The following CECR2 variants were observed in gnomAD, a reference collection of about 807,000 sequenced individuals.
CECR2 encodes chromatin remodeling regulator CECR2.
CECR2 carries 30 observed loss-of-function variants against 154.5 expected under a neutral mutation model. The observed-to-expected ratio is 0.19, with a 90% CI of 0.15 to 0.26. The LOEUF (loss-of-function observed/expected upper bound fraction) is 0.26. Ranked by LOEUF, CECR2 falls within the 10% of genes least tolerant of loss-of-function variation. The pLI is 1.00. For synonymous variants in CECR2, 725 were observed against 683.7 expected (o/e 1.06, Z -0.94); for missense variants, 1,743 against 1,829.3 (o/e 0.95, Z 0.86).
At chr22:17,492,731 C>T (rs936187349) in intron 2 of CECR2, among the ~76,000 whole-genome samples, 3 of 152,146 alleles carry the variant, frequency 2.0e-5, no homozygotes, top group Non-Finnish European at 2.9e-5. Flanking sequence ...TGAGAAATTC[C>T]GTTTGGTTTG....
chr22:17,507,484 A>G (rs1308943575), intron 7 of CECR2, among the ~76,000 whole-genome samples: 2 of 152,232 alleles, frequency 1.3e-5, no homozygotes, highest in Non-Finnish European at 2.9e-5. Context: ...TATTGATATC[A>G]TCAGTCATGG....
intron 2 of CECR2, among the ~76,000 whole-genome samples, chr22:17,494,688 G>GT (rs756415409): frequency 2.0e-5 from 3 of 152,046 alleles, no homozygotes; most frequent in Non-Finnish European, 4.4e-5. Flanking sequence ...AAAGCAAACT[G>GT]TTTAAGTGTT....
intron 1 of CECR2, among the ~76,000 whole-genome samples, chr22:17,437,620 T>TA (rs2054526174): frequency 6.6e-6 from 1 of 152,244 alleles, no homozygotes; most frequent in African/African-American, 2.4e-5. Flanking sequence ...ACTGTAGACA[T>TA]ACTTTGTAAG....
At position 17,542,350 on chromosome 22, in the gene CECR2, C is replaced by A; in HGVS notation, c.2207C>A (p.Pro736His). ...PAQFQPGFIPPRHGGAPARPP... is the reference protein window; with the variant it reads ...PAQFQPGFIPHRHGGAPARPP... ...CAGTTCCAGCCAGGATTCATTCCTC[C>A]CCGGCATGGGGGGGCTCCAGCCCGG... Residue 736 changes from proline (P) to histidine (H), a missense_variant, in exon 16 of 19, where the codon CCC becomes CAC. By Grantham distance (77) the Pro-to-His change is moderately conservative. Around this residue, in one of 4 missense-constraint regions of CECR2, gnomAD observed 1,250 missense variants for 1,192.1 expected, o/e 1.05. Coordinates refer to ENST00000262608, the MANE Select transcript of CECR2 (RefSeq NM_001290047.2). 6.2e-7 allele frequency: 1 copy of A among 1,613,818 alleles called. No homozygotes were observed. Among genetic ancestry groups the A allele is most frequent in the Non-Finnish European group, 8.5e-7 (1 of 1,179,840 alleles).
At chr22:17,370,323 G>GGT (rs2063041144) in intron 1 of CECR2, among the ~76,000 whole-genome samples, 1 of 150,082 alleles carries the variant, frequency 6.7e-6, no homozygotes, top group African/African-American at 2.4e-5. Context: ...CGGGCGCGGG[G>GGT]GGGGGGCCCG....
At chr22:17,446,710 T>G (rs1257406982) in intron 1 of CECR2, among the ~76,000 whole-genome samples, 4 of 151,082 alleles carry the variant, frequency 2.6e-5, no homozygotes, top group African/African-American at 9.8e-5. Context: ...AGCGAGACTT[T>G]GTCTCAAAAA....
At chr22:17,465,485 T>A (rs1296352984) in intron 1 of CECR2, among the ~76,000 whole-genome samples, 2 of 151,442 alleles carry the variant, frequency 1.3e-5, no homozygotes, top group Non-Finnish European at 2.9e-5. Context: ...ATTCACCACC[T>A]GTTTTTTTCC....
chr22:17,498,977 T>TTTTATTTATTTA (rs60595589), intron 3 of CECR2, among the ~76,000 whole-genome samples: 16 of 150,946 alleles, frequency 1.1e-4, no homozygotes, highest in African/African-American at 2.2e-4. Flanking sequence ...ACTTGGACAT[T>TTTTATTTATTTA]TTTATTTATT....
chr22:17,367,717 C>T (rs2063009838), upstream of CECR2, among the ~76,000 whole-genome samples: 2 of 152,182 alleles, frequency 1.3e-5, no homozygotes, highest in Non-Finnish European at 2.9e-5. Context: ...TGTGCAAAGT[C>T]AAACTGTGAG....
At chr22:17,368,761 G>A (rs1277144740), upstream of CECR2, among the ~76,000 whole-genome samples, 1 of 152,048 alleles carries the variant, frequency 6.6e-6, no homozygotes, top group African/African-American at 2.4e-5. Context: ...TCTCCGGGGC[G>A]GTCACACGTG....
intron 17 of CECR2, among the ~76,000 whole-genome samples, chr22:17,549,784 G>T (rs1226662561): frequency 0.99 from 135,319 of 136,068 alleles, 67,294 homozygotes; most frequent in Middle Eastern, 1. Flanking sequence ...TAACTTTTTG[G>T]TTTTTTTTTT....
chr22:17,419,571 A>G, intron 1 of CECR2: 1 of 272,674 alleles, frequency 3.7e-6, no homozygotes. Flanking sequence ...GGAGGAAGAA[A>G]AGAAGAAGAA....
chr22:17,399,724 A>G (rs528821738), intron 1 of CECR2, among the ~76,000 whole-genome samples: 3 of 152,230 alleles, frequency 2.0e-5, no homozygotes, highest in Non-Finnish European at 4.4e-5. Context: ...GGTGATTTTT[A>G]TATGGGAGGA....
intron 9 of CECR2, among the ~76,000 whole-genome samples, chr22:17,528,367 C>T (rs754093822): frequency 4.6e-5 from 7 of 151,860 alleles, no homozygotes; most frequent in African/African-American, 7.3e-5. Flanking sequence ...AATAATTGAA[C>T]CCGTGGAGAT....
At chr22:17,429,556 A>G (rs1601343189) in intron 1 of CECR2, among the ~76,000 whole-genome samples, 2 of 150,274 alleles carry the variant, frequency 1.3e-5, no homozygotes, top group African/African-American at 4.9e-5. Context: ...AAAAACAAAA[A>G]CAAAGAAAAG....
chr22:17,420,513 A>G (rs2054229748), intron 1 of CECR2, among the ~76,000 whole-genome samples: 1 of 152,196 alleles, frequency 6.6e-6, no homozygotes, highest in Non-Finnish European at 1.5e-5. Flanking sequence ...TGTTTAAAAC[A>G]TGCACGCAAC....
chr22:17,516,952 C>G (rs2056068174), intron 8 of CECR2, among the ~76,000 whole-genome samples: 3 of 150,848 alleles, frequency 2.0e-5, no homozygotes, highest in Admixed American at 6.6e-5. Flanking sequence ...ACTCTGTCGC[C>G]CAGGCTGGAG....
intron 1 of CECR2, among the ~76,000 whole-genome samples, chr22:17,450,189 T>C (rs2054745952): frequency 6.6e-6 from 1 of 152,230 alleles, no homozygotes; most frequent in Admixed American, 6.5e-5. Context: ...TTTGAATATA[T>C]ATGGAAATAG....
At chr22:17,443,324 T>C (rs1307045942) in intron 1 of CECR2, among the ~76,000 whole-genome samples, 4 of 152,206 alleles carry the variant, frequency 2.6e-5, no homozygotes, top group Admixed American at 6.5e-5. Context: ...AAATTCTGTT[T>C]GGCTGTAACT....
Sources: gnomAD v4.1 joint callset for allele counts (sites outside exome capture counted in the v4.1 genomes callset) on GRCh38, gnomAD v4.1.1 for gene constraint, gnomAD v4.1.1 regional missense constraint, MANE v1.5 for transcripts, NCBI Gene and HGNC (gene_info 2026-07-23, HGNC 2026-07-21) for gene names.